Variants in OPCML observed in about 807,000 individuals in gnomAD.
OPCML encodes opioid binding protein/cell adhesion molecule like.
Under a neutral mutation model 37.8 loss-of-function variants are expected in OPCML, and 13 were observed. The observed-to-expected ratio is 0.34, with a 90% confidence interval of 0.22 to 0.55. The LOEUF (loss-of-function observed/expected upper bound fraction) is 0.55, where lower values mean the gene tolerates loss of function less well. OPCML is among the 20% of genes least tolerant of loss of function. The pLI is 0.91. For missense variants in OPCML, 341 were observed against 435.6 expected, an observed-to-expected ratio of 0.78 and a Z score of 1.93; for synonymous variants, 176 against 168.8, an observed-to-expected ratio of 1.04 and a Z score of -0.33.
chr11:133,228,281 A>G (rs1940127887), intron 1 of OPCML, among the ~76,000 whole-genome samples: 1 of 152,178 alleles, frequency 6.6e-6, no homozygotes, highest in Non-Finnish European at 1.5e-5. Context: ...GGAGGTGAGC[A>G]TAGCAGGTGT....
intron 1 of OPCML, among the ~76,000 whole-genome samples, chr11:133,141,104 A>AAGAAGAAGAAGAAGAAGC (rs1565469412): frequency 1.5e-5 from 2 of 135,182 alleles, no homozygotes; most frequent in African/African-American, 5.4e-5. Flanking sequence ...GGAGAAGAAG[A>AAGAAGAAGAAGAAGAAGC]AGCAGCTGAA....
At chr11:132,911,286 G>A (rs1451129855) in intron 2 of OPCML, among the ~76,000 whole-genome samples, 3 of 152,190 alleles carry the variant, frequency 2.0e-5, no homozygotes, top group Admixed American at 1.3e-4. Flanking sequence ...ACAGATATAT[G>A]TCCTAGCTTC....
chr11:132,728,166 C>T (rs1944952740), intron 2 of OPCML, among the ~76,000 whole-genome samples: 1 of 152,240 alleles, frequency 6.6e-6, no homozygotes, highest in African/African-American at 2.4e-5. Flanking sequence ...GCGCAGCCCG[C>T]CCACCCCGGA....
At chr11:133,148,703 G>A (rs1033687752) in intron 1 of OPCML, among the ~76,000 whole-genome samples, 22 of 152,214 alleles carry the variant, frequency 1.4e-4, no homozygotes, top group Admixed American at 2.6e-4. Context: ...GAGGGGAAGT[G>A]GTTCTGGTGT....
In OPCML at chr11:133,443,349, T is replaced by C. The variant is rs369253055; in HGVS notation, c.61+88915A>G. 3.9e-5 allele frequency among the ~76,000 whole-genome samples: 6 copies of C among 152,350 alleles called. No homozygotes were observed. The East Asian group carries it at 7.7e-4, about 20-fold the overall frequency. ...GCCAAGTCATTTCACTGAGATCTGCTGGCGATTCAGCCTGGAGCTTTCAGA... is the reference window on the plus strand; with the variant it reads ...GCCAAGTCATTTCACTGAGATCTGCCGGCGATTCAGCCTGGAGCTTTCAGA... On this transcript the variant is annotated intron_variant, in intron 1 of 7. Coordinates refer to ENST00000524381, the MANE Select transcript of OPCML (RefSeq NM_001012393.5).
At chr11:132,535,618 T>C (rs1768671480) in intron 3 of OPCML, among the ~76,000 whole-genome samples, 1 of 152,158 alleles carries the variant, frequency 6.6e-6, no homozygotes, top group Admixed American at 6.5e-5. Context: ...GGAACTGACG[T>C]GTGCCCATAA....
At chr11:132,865,907 G>A (rs1286013045) in intron 2 of OPCML, among the ~76,000 whole-genome samples, 1 of 152,170 alleles carries the variant, frequency 6.6e-6, no homozygotes, top group East Asian at 1.9e-4. Context: ...CTTCCTGAGA[G>A]AGGCAATTCC....
chr11:133,024,964 T>C (rs1947524134), intron 1 of OPCML: 1 of 985,426 alleles, frequency 1.0e-6, no homozygotes, highest in Non-Finnish European at 1.2e-6. Flanking sequence ...GCAGAGCCTA[T>C]GAATCTGCAT....
chr11:132,597,267 C>A (rs1037546194), intron 3 of OPCML, among the ~76,000 whole-genome samples: 1 of 152,114 alleles, frequency 6.6e-6, no homozygotes, highest in Non-Finnish European at 1.5e-5. Context: ...ATGCTATGTG[C>A]AAAGGTATTA....
chr11:132,571,690 G>T (rs541579923), intron 3 of OPCML, among the ~76,000 whole-genome samples: 1 of 152,276 alleles, frequency 6.6e-6, no homozygotes, highest in East Asian at 1.9e-4. Flanking sequence ...TGTTTAGGTT[G>T]TTTCCACATC....
intron 4 of OPCML, among the ~76,000 whole-genome samples, chr11:132,527,413 T>G (rs2096311375): frequency 6.6e-6 from 1 of 152,152 alleles, no homozygotes; most frequent in Non-Finnish European, 1.5e-5. Flanking sequence ...GCCTTTATAA[T>G]TTTAGTCTTC....
At position 132,529,065 on chromosome 11, in the gene OPCML, G is replaced by T; in HGVS notation, c.501C>A (p.Val167=). The change falls in exon 4 of 8, where the codon GTC becomes GTA. Residue 167 remains valine, a synonymous_variant. Coordinates refer to ENST00000524381, the MANE Select transcript of OPCML (RefSeq NM_001012393.5). ...EPTVTWRHLS[V]KEGQGFVSED... is the part of the protein sequence containing the mutation. ...TCCTCCAGGTCAGCACCTTACCCTT[G>T]ACTGACAGGTGTCTCCATGTCACAG... 6.2e-7 allele frequency: 1 copy of T among 1,608,244 alleles called. No homozygotes were observed. Among genetic ancestry groups the T allele is most frequent in the South Asian group, 1.1e-5 (1 of 90,604 alleles).
intron 1 of OPCML, among the ~76,000 whole-genome samples, chr11:133,090,289 G>T (rs1948884411): frequency 1.3e-5 from 2 of 152,104 alleles, no homozygotes; most frequent in Admixed American, 1.3e-4. Flanking sequence ...CTAAAATGGG[G>T]ACATGGCTTT....
chr11:132,930,272 G>A (rs775935360), intron 2 of OPCML, among the ~76,000 whole-genome samples: 1 of 152,116 alleles, frequency 6.6e-6, no homozygotes, highest in Non-Finnish European at 1.5e-5. Context: ...GATGAGGTGG[G>A]AGAATCACGT....
chr11:132,979,252 T>C (rs142481260), intron 1 of OPCML, among the ~76,000 whole-genome samples: 4 of 152,178 alleles, frequency 2.6e-5, no homozygotes, highest in Non-Finnish European at 5.9e-5. Flanking sequence ...GAACAGCTGT[T>C]TAAAGCAAGT....
At chr11:132,792,726 TG>T (rs895282012) in intron 2 of OPCML, among the ~76,000 whole-genome samples, 2 of 152,240 alleles carry the variant, frequency 1.3e-5, no homozygotes, top group African/African-American at 4.8e-5. Context: ...GACGCGGCCC[TG>T]GTGAGTGAAG....
intron 2 of OPCML, among the ~76,000 whole-genome samples, chr11:132,932,556 T>C (rs1486455699): frequency 6.6e-6 from 1 of 151,994 alleles, no homozygotes; most frequent in African/African-American, 2.4e-5. Context: ...TAGTCACATA[T>C]TCAACATACA....
chr11:133,439,213 G>A (rs1221620599), intron 1 of OPCML: 1 of 882,192 alleles, frequency 1.1e-6, no homozygotes, highest in East Asian at 1.2e-4. Context: ...TTAACCTGCA[G>A]GTCCTATGCT....
intron 1 of OPCML, among the ~76,000 whole-genome samples, chr11:133,167,132 G>T (rs728341): frequency 0.51 from 77,321 of 151,960 alleles, 20,762 homozygotes; most frequent in African/African-American, 0.67. Context: ...GTAAAAATGA[G>T]AGGATTCAGA....
Sources: allele counts gnomAD v4.1 joint callset (sites outside exome capture counted in the v4.1 genomes callset), GRCh38; gene constraint gnomAD v4.1.1; transcripts MANE v1.5; gene names NCBI Gene and HGNC (gene_info 2026-07-23, HGNC 2026-07-21).